COL25A1: variants seen among roughly 807,000 people sequenced by gnomAD.
The protein encoded by COL25A1 is collagen alpha-1(XXV) chain.
COL25A1 carries 103 observed loss-of-function variants against 128.4 expected under a neutral mutation model. The observed-to-expected ratio is 0.80, with a 90% CI of 0.68 to 0.94. The LOEUF (loss-of-function observed/expected upper bound fraction) is 0.94. COL25A1 is among the 40% of genes least tolerant of loss of function. The pLI is 0.00. For missense variants in COL25A1, 745 were observed against 840.0 expected (o/e 0.89, Z 1.40); for synonymous variants, 279 against 277.2 (o/e 1.01, Z -0.06).
intron 3 of COL25A1, among the ~76,000 whole-genome samples, chr4:109,197,413 A>ATTATATATTATATATAAATATTATATAT (rs1560850141): frequency 9.5e-5 from 12 of 125,980 alleles, no homozygotes; most frequent in South Asian, 4.5e-4. Flanking sequence ...TAAAATATAT[A>ATTATATATTATATATAAATATTATATAT]TTATATATTA....
intron 3 of COL25A1, among the ~76,000 whole-genome samples, chr4:109,260,830 A>G (rs962337045): frequency 2.0e-5 from 3 of 152,024 alleles, no homozygotes; most frequent in Non-Finnish European, 4.4e-5. Flanking sequence ...AAAGTTTTAT[A>G]TTAATTTCAC....
At chr4:109,220,466 GT>G (rs573287288) in intron 3 of COL25A1, among the ~76,000 whole-genome samples, 238 of 152,256 alleles carry the variant, frequency 1.6e-3, no homozygotes, top group African/African-American at 5.3e-3. Context: ...ACACACTGTG[GT>G]TCCCCCATGG....
chr4:108,972,297 G>A (rs1439535616), intron 8 of COL25A1, among the ~76,000 whole-genome samples: 1 of 152,086 alleles, frequency 6.6e-6, no homozygotes, highest in Non-Finnish European at 1.5e-5. Flanking sequence ...GAGAGCCTTT[G>A]GTCATCATCA....
intron 5 of COL25A1, among the ~76,000 whole-genome samples, chr4:109,023,916 G>C (rs530165041): frequency 2.6e-5 from 4 of 152,266 alleles, no homozygotes; most frequent in Admixed American, 2.6e-4. Flanking sequence ...TGATAACCCT[G>C]TTGCTGCAAG....
intron 5 of COL25A1, among the ~76,000 whole-genome samples, chr4:109,013,874 G>A (rs1485913457): frequency 2.0e-5 from 3 of 151,834 alleles, no homozygotes; most frequent in Admixed American, 6.5e-5. Flanking sequence ...TGAAGTCAGT[G>A]AGACCAAGAG....
At chr4:108,987,874 C>G (rs1026022489) in intron 6 of COL25A1, among the ~76,000 whole-genome samples, 1 of 152,222 alleles carries the variant, frequency 6.6e-6, no homozygotes, top group Non-Finnish European at 1.5e-5. Flanking sequence ...TCTCGCTCCC[C>G]AAAGCATTAC....
At chr4:109,132,214 G>C (rs1445190756) in intron 3 of COL25A1, among the ~76,000 whole-genome samples, 1 of 152,082 alleles carries the variant, frequency 6.6e-6, no homozygotes, top group Non-Finnish European at 1.5e-5. Context: ...CTACAGTCTA[G>C]ATCTTTACAA....
At chr4:109,243,467 G>C (rs1780045138) in intron 3 of COL25A1, among the ~76,000 whole-genome samples, 1 of 151,858 alleles carries the variant, frequency 6.6e-6, no homozygotes, top group Non-Finnish European at 1.5e-5. Flanking sequence ...AAGTTGGAGG[G>C]TTCAAATTTA....
intron 5 of COL25A1, among the ~76,000 whole-genome samples, chr4:109,012,718 G>A (rs1227474361): frequency 1.3e-5 from 2 of 152,206 alleles, no homozygotes; most frequent in Non-Finnish European, 1.5e-5. Context: ...TCTCCGCCGG[G>A]CAGGGCTCAG....
chr4:108,865,422 G>C (rs1180485041), intron 20 of COL25A1, among the ~76,000 whole-genome samples: 3 of 152,094 alleles, frequency 2.0e-5, no homozygotes, highest in South Asian at 2.1e-4. Flanking sequence ...AAAGACTCAG[G>C]TTTCTTAACA....
intron 32 of COL25A1, among the ~76,000 whole-genome samples, chr4:108,829,286 T>G (rs1221434892): frequency 1.3e-5 from 2 of 152,146 alleles, no homozygotes; most frequent in Admixed American, 1.3e-4. Context: ...GAGGATCATT[T>G]GAGGCCAGGA....
chr4:109,025,208 TAC>T (rs1266003269), intron 5 of COL25A1, among the ~76,000 whole-genome samples: 1 of 152,184 alleles, frequency 6.6e-6, no homozygotes, highest in Non-Finnish European at 1.5e-5. Flanking sequence ...TGATCAGTTT[TAC>T]AGACATGTTT....
intron 3 of COL25A1, among the ~76,000 whole-genome samples, chr4:109,295,431 A>G (rs1724882388): frequency 6.6e-6 from 1 of 152,092 alleles, no homozygotes; most frequent in African/African-American, 2.4e-5. Flanking sequence ...AATGCCTGCT[A>G]TTCTCATTTA....
intron 6 of COL25A1, among the ~76,000 whole-genome samples, chr4:108,982,567 A>G (rs1318611994): frequency 6.6e-6 from 1 of 152,184 alleles, no homozygotes; most frequent in Non-Finnish European, 1.5e-5. Flanking sequence ...ACCAGATTCA[A>G]TGTTGCTGCA....
At chr4:108,972,632 A>G (rs1752032130) in intron 8 of COL25A1, among the ~76,000 whole-genome samples, 1 of 152,150 alleles carries the variant, frequency 6.6e-6, no homozygotes, top group African/African-American at 2.4e-5. Context: ...AATTCAACCC[A>G]AATTCCTTCA....
chr4:109,178,034 G>A (rs145189438), intron 3 of COL25A1, among the ~76,000 whole-genome samples: 12 of 152,278 alleles, frequency 7.9e-5, no homozygotes, highest in Non-Finnish European at 1.3e-4. Context: ...ATAGGTTTAA[G>A]TACAAACTGA....
intron 16 of COL25A1, among the ~76,000 whole-genome samples, chr4:108,890,166 C>A (rs532170915): frequency 6.6e-6 from 1 of 152,324 alleles, no homozygotes; most frequent in Non-Finnish European, 1.5e-5. Flanking sequence ...ACTGGGAGTT[C>A]CCTGACCCTT....
intron 3 of COL25A1, among the ~76,000 whole-genome samples, chr4:109,226,812 T>C (rs1257290392): frequency 1.3e-5 from 2 of 152,130 alleles, no homozygotes; most frequent in East Asian, 1.9e-4. Flanking sequence ...ATATTAATAC[T>C]ACAAAATAGG....
chr4:108,941,647 A>T (rs6851703), intron 8 of COL25A1, among the ~76,000 whole-genome samples: 6,691 of 152,306 alleles, frequency 0.044, 377 homozygotes, highest in African/African-American at 0.13. Context: ...TGAGACCAGA[A>T]CTTCAGTAGT....
Sources: allele counts gnomAD v4.1 joint callset (sites outside exome capture counted in the v4.1 genomes callset), GRCh38; gene constraint gnomAD v4.1.1; transcripts MANE v1.5; gene names NCBI Gene and HGNC (gene_info 2026-07-23, HGNC 2026-07-21).